The following FLT3 variants were observed in gnomAD, a reference collection of about 807,000 sequenced individuals.
FLT3 encodes the protein fms related receptor tyrosine kinase 3, also known as receptor-type tyrosine-protein kinase FLT3.
In FLT3, 46 loss-of-function variants were observed where a neutral mutation model predicts 126.6. That is an observed-to-expected ratio of 0.36 (90% CI 0.29 to 0.46). FLT3 has a LOEUF of 0.46. FLT3 is among the 20% of genes least tolerant of loss of function. FLT3 has a pLI of 1.00. For synonymous variants in FLT3, 404 were observed against 434.4 expected, an observed-to-expected ratio of 0.93 and a Z score of 0.87; for missense variants, 1,069 against 1,190.3, an observed-to-expected ratio of 0.90 and a Z score of 1.50.
rs551113570 is a variant in FLT3 at position 28,096,280 on chromosome 13, T to C, written c.43+4188A>G. 1.2e-3 allele frequency among the ~76,000 whole-genome samples: 182 copies of C among 151,996 alleles called. 3 individuals carry two copies. The highest frequency in any genetic ancestry group is 0.012 in the Admixed American group (178 of 15,238). ...GAGGTAGGAGGCTTGCTTGAGTCCG[T>C]AAGGCAGAGGTTGCAGTGAGCCGAG... On this transcript the variant is annotated intron_variant, in intron 1 of 23. Coordinates refer to ENST00000241453, the MANE Select transcript of FLT3 (RefSeq NM_004119.3).
chr13:28,093,418 C>G (rs1369989053), intron 1 of FLT3, among the ~76,000 whole-genome samples: 1 of 152,060 alleles, frequency 6.6e-6, no homozygotes, highest in African/African-American at 2.4e-5. Flanking sequence ...CCAAAGTATC[C>G]CTTACACATT....
intron 3 of FLT3, among the ~76,000 whole-genome samples, chr13:28,058,864 C>T (rs1876276087): frequency 6.6e-6 from 1 of 152,216 alleles, no homozygotes; most frequent in African/African-American, 2.4e-5. Flanking sequence ...AACCATTCGC[C>T]TGGCATGAGC....
intron 2 of FLT3, among the ~76,000 whole-genome samples, chr13:28,066,926 G>A (rs932736797): frequency 1.3e-5 from 2 of 152,172 alleles, no homozygotes; most frequent in African/African-American, 2.4e-5. Flanking sequence ...TACCTGGCAT[G>A]CACTGTCTAA....
chr13:28,063,245 G>A lies in FLT3; in HGVS notation c.166-1176C>T, dbSNP rs144866264. Among the ~76,000 whole-genome samples, 919 of 152,220 alleles carry A rather than the reference G, an allele frequency of 6.0e-3. 13 individuals are homozygous for A. Among genetic ancestry groups the A allele is most frequent in the African/African-American group, 0.021 (865 of 41,540 alleles). On this transcript the variant is annotated intron_variant, in intron 2 of 23. Transcript: ENST00000241453. ...TGTAATTCCAGCACTTTGGGAGGCTGAAGTGGGCAGATCACTTGAGGTCAG... is the reference window on the plus strand; with the variant it reads ...TGTAATTCCAGCACTTTGGGAGGCTAAAGTGGGCAGATCACTTGAGGTCAG...
intron 18 of FLT3, 114 bp from the exon 19 acceptor site, chr13:28,023,591 T>C: frequency 1.8e-6 from 2 of 1,097,458 alleles, no homozygotes; most frequent in Non-Finnish European, 2.7e-6. Context: ...GACATGAAGC[T>C]ATCGCATTAT....
At chr13:28,047,858 T>C (rs931870031) in intron 9 of FLT3, among the ~76,000 whole-genome samples, 1 of 152,224 alleles carries the variant, frequency 6.6e-6, no homozygotes, top group Admixed American at 6.5e-5. Context: ...CATGTATTTT[T>C]TGAAAATTTA....
At chr13:28,092,872 G>C (rs1879207760) in intron 1 of FLT3, among the ~76,000 whole-genome samples, 1 of 144,570 alleles carries the variant, frequency 6.9e-6, no homozygotes, top group African/African-American at 2.5e-5. Context: ...TACACACACA[G>C]AGGGAAGATA....
chr13:28,031,189 C>A (rs183011548), intron 15 of FLT3, among the ~76,000 whole-genome samples: 4 of 152,036 alleles, frequency 2.6e-5, no homozygotes, highest in Non-Finnish European at 5.9e-5. Flanking sequence ...GATGGTGCCA[C>A]TGCACTCCAG....
At chr13:28,095,851 C>A (rs1879418318) in intron 1 of FLT3, among the ~76,000 whole-genome samples, 1 of 152,076 alleles carries the variant, frequency 6.6e-6, no homozygotes, top group African/African-American at 2.4e-5. Flanking sequence ...GAAGCCGAGG[C>A]ATTTTGTGGG....
chr13:28,025,483 G>A (rs1872719759), intron 17 of FLT3: 2 of 383,118 alleles, frequency 5.2e-6, no homozygotes, highest in Non-Finnish European at 1.0e-5. Context: ...TCCCTGAGGA[G>A]CTCTGTAGGA....
intron 1 of FLT3, among the ~76,000 whole-genome samples, chr13:28,093,640 C>T (rs767568446): frequency 5.3e-5 from 8 of 152,168 alleles, no homozygotes; most frequent in Non-Finnish European, 1.0e-4. Context: ...AACATCCTCA[C>T]CCTCTTCTTT....
chr13:28,025,532 G>A (rs1012040106), intron 17 of FLT3: 4 of 317,554 alleles, frequency 1.3e-5, no homozygotes, highest in South Asian at 5.1e-5. Context: ...TCTAATATAC[G>A]AGTTTAACCC....
chr13:28,004,965 AAG>A (rs1268509330), intron 23 of FLT3, among the ~76,000 whole-genome samples: 2 of 152,192 alleles, frequency 1.3e-5, no homozygotes, highest in Admixed American at 6.6e-5. Context: ...TTCTGAAATG[AAG>A]AGATTTACTT....
At chr13:28,072,839 C>T (rs563597595) in intron 1 of FLT3, among the ~76,000 whole-genome samples, 150 of 150,656 alleles carry the variant, frequency 1.0e-3, no homozygotes, top group African/African-American at 3.5e-3. Flanking sequence ...CCGTCTCTAC[C>T]TAAAAAAATA....
chr13:28,044,924 A>T (rs556141204), intron 9 of FLT3, among the ~76,000 whole-genome samples: 4 of 152,332 alleles, frequency 2.6e-5, no homozygotes, highest in African/African-American at 9.6e-5. Flanking sequence ...TGAACAAGGC[A>T]TTGTACAAAG....
chr13:28,014,636 A>G (rs1398233450), intron 22 of FLT3, 79 bp from the exon 23 acceptor site: 12 of 966,788 alleles, frequency 1.2e-5, no homozygotes, highest in Non-Finnish European at 1.8e-5. Context: ...ATAATGAAGC[A>G]CCATTTATTC....
At chr13:28,050,998 C>A (rs1393677012) in intron 5 of FLT3, among the ~76,000 whole-genome samples, 1 of 152,152 alleles carries the variant, frequency 6.6e-6, no homozygotes, top group Admixed American at 6.5e-5. Flanking sequence ...TTACATATAT[C>A]AATTCATTTA....
intron 2 of FLT3, among the ~76,000 whole-genome samples, chr13:28,067,368 C>G (rs1430615214): frequency 6.6e-6 from 1 of 152,172 alleles, no homozygotes; most frequent in Admixed American, 6.6e-5. Context: ...AATCCACAAT[C>G]TGGATAGACA....
rs149057582 is a variant in FLT3, at chr13:28,035,669, T to G, written c.1423A>C (p.Thr475Pro). The G allele has an allele frequency of 6.8e-5, 109 of 1,601,302 alleles. 3 individuals carry two copies. The East Asian group carries it at 2.2e-3, about 32-fold the overall frequency. The change falls in exon 12 of 24, where the codon ACA (threonine) becomes CCA (proline). Residue 475 changes from threonine to proline, a missense_variant. Coordinates refer to ENST00000241453, the MANE Select transcript of FLT3 (RefSeq NM_004119.3). ...KKCSDKSPNCTEEITEGVWNR... is the reference protein window; with the variant it reads ...KKCSDKSPNCPEEITEGVWNR... ...CAGACTCCTTCTGTGATCTCTTCTGTGCAGCTGAAAAAAAAAATAGCAAAG... is the reference window on the plus strand; with the variant it reads ...CAGACTCCTTCTGTGATCTCTTCTGGGCAGCTGAAAAAAAAAATAGCAAAG...
Sources: gnomAD v4.1 joint callset for allele counts (sites outside exome capture counted in the v4.1 genomes callset) on GRCh38, gnomAD v4.1.1 for gene constraint, MANE v1.5 for transcripts, NCBI Gene and HGNC (gene_info 2026-07-23, HGNC 2026-07-21) for gene names.